Variants in MAGI1 observed in about 807,000 individuals in gnomAD.
The protein encoded by MAGI1 is membrane-associated guanylate kinase, WW and PDZ domain-containing protein 1.
A neutral mutation model predicts 139.9 loss-of-function variants in MAGI1; 58 were observed. The ratio of observed to expected loss-of-function variants is 0.41; its 90% CI spans 0.34 to 0.52. MAGI1 has a LOEUF of 0.52. Among genes scored for constraint, MAGI1 ranks in the 20% least tolerant of loss-of-function variants. The pLI is 0.12. For synonymous variants in MAGI1, 812 were observed against 737.9 expected (o/e 1.10, Z -1.63); for missense variants, 1,874 against 1,901.6 (o/e 0.99, Z 0.27).
At chr3:65,912,213 G>GA (rs1415386839) in intron 1 of MAGI1, among the ~76,000 whole-genome samples, 1 of 120,414 alleles carries the variant, frequency 8.3e-6, no homozygotes, top group African/African-American at 3.3e-5. Flanking sequence ...CAGGTAAATG[G>GA]AAAACAAAGA....
At chr3:65,470,238 A>G in intron 5 of MAGI1, 45 bp downstream of exon 5, 4 of 1,396,560 alleles carry the variant, frequency 2.9e-6, no homozygotes, top group Non-Finnish European at 4.0e-6. Context: ...AAGGAAGGGA[A>G]AAGAAAGAGA....
At chr3:65,716,777 T>C (rs1055912519) in intron 1 of MAGI1, among the ~76,000 whole-genome samples, 7 of 152,190 alleles carry the variant, frequency 4.6e-5, no homozygotes, top group African/African-American at 1.4e-4. Context: ...GGCTTTGTGT[T>C]AGGTGCTAGG....
rs117991822 is a variant in MAGI1 at position 65,407,474 on chromosome 3, G to A, written c.2168-6004C>T. Among the ~76,000 whole-genome samples the A allele has an allele frequency of 2.5e-4, 37 of 149,940 alleles. No homozygotes were observed. The East Asian group carries it at 4.5e-3, about 18-fold the overall frequency. On this transcript the variant is annotated intron_variant, in intron 12 of 22. Coordinates refer to ENST00000402939, the MANE Select transcript of MAGI1 (RefSeq NM_001033057.2). ...AAAAAAAAAAAAAAGGAAACAATCTGAACTTCCAAGAGCGGAGGACTGAGT... is the reference window on the plus strand; with the variant it reads ...AAAAAAAAAAAAAAGGAAACAATCTAAACTTCCAAGAGCGGAGGACTGAGT...
intron 13 of MAGI1, among the ~76,000 whole-genome samples, chr3:65,392,058 T>C (rs1575591994): frequency 6.6e-6 from 1 of 152,342 alleles, no homozygotes; most frequent in Non-Finnish European, 1.5e-5. Context: ...AAACTTTGTA[T>C]ATGAGTTGAC....
intron 1 of MAGI1, among the ~76,000 whole-genome samples, chr3:65,815,719 A>ATAATT (rs2041559300): frequency 6.6e-6 from 1 of 152,142 alleles, no homozygotes; most frequent in Non-Finnish European, 1.5e-5. Flanking sequence ...ATATATTTTT[A>ATAATT]TTAAGGGCTT....
At chr3:65,673,018 A>G (rs538549050) in intron 1 of MAGI1, among the ~76,000 whole-genome samples, 1 of 152,240 alleles carries the variant, frequency 6.6e-6, no homozygotes, top group Admixed American at 6.5e-5. Context: ...GTATTAAAAA[A>G]TATTTGTTCC....
intron 1 of MAGI1, among the ~76,000 whole-genome samples, chr3:66,008,406 C>T (rs966476372): frequency 2.0e-5 from 3 of 152,144 alleles, no homozygotes; most frequent in Admixed American, 6.5e-5. Flanking sequence ...TCATCTCCTC[C>T]TCCATTTAGT....
At chr3:65,852,623 C>A (rs1484452778) in intron 1 of MAGI1, among the ~76,000 whole-genome samples, 4 of 151,712 alleles carry the variant, frequency 2.6e-5, no homozygotes, top group African/African-American at 9.7e-5. Context: ...CCTGCCTCAA[C>A]CTCCCAAGTA....
At chr3:65,573,117 T>C (rs1320478751) in intron 2 of MAGI1, among the ~76,000 whole-genome samples, 1 of 149,558 alleles carries the variant, frequency 6.7e-6, no homozygotes, top group Admixed American at 6.7e-5. Flanking sequence ...TATTCATTCC[T>C]TTCACAAAAC....
At chr3:65,727,536 G>C (rs1365756662) in intron 1 of MAGI1, among the ~76,000 whole-genome samples, 1 of 152,138 alleles carries the variant, frequency 6.6e-6, no homozygotes, top group African/African-American at 2.4e-5. Flanking sequence ...GGCTCTATGG[G>C]AGTTACTCCA....
intron 1 of MAGI1, among the ~76,000 whole-genome samples, chr3:65,813,104 G>A (rs1304350740): frequency 6.6e-6 from 1 of 151,958 alleles, no homozygotes; most frequent in Non-Finnish European, 1.5e-5. Context: ...CAGCATTCAA[G>A]GAAACGAAAC....
Position 65,609,182 on chromosome 3 carries a change from C to T in MAGI1, c.430+12790G>A, listed in dbSNP as rs1008800181. On this transcript the variant is annotated intron_variant, in intron 2 of 22. Coordinates refer to ENST00000402939, the MANE Select transcript of MAGI1 (RefSeq NM_001033057.2). ...GGAAATGGTTATATGGATGAGTGTG[C>T]GTGGTGCATGTGTGTGCGTAAAAAT... 5.3e-5 allele frequency among the ~76,000 whole-genome samples: 8 copies of T among 152,098 alleles called. No individual in the cohort carries two copies. The East Asian group carries it at 7.7e-4, about 15-fold the overall frequency.
At chr3:65,789,696 G>T (rs940258595) in intron 1 of MAGI1, among the ~76,000 whole-genome samples, 1 of 152,198 alleles carries the variant, frequency 6.6e-6, no homozygotes, top group East Asian at 1.9e-4. Flanking sequence ...TGATTTAGCC[G>T]GGATCTCCCT....
At chr3:65,440,381 T>C (rs1237509951) in intron 8 of MAGI1, among the ~76,000 whole-genome samples, 1 of 152,124 alleles carries the variant, frequency 6.6e-6, no homozygotes, top group African/African-American at 2.4e-5. Context: ...AAGCTCAGGG[T>C]TGCCTGCTTT....
chr3:66,018,123 G>GC (rs1553748579), intron 1 of MAGI1, among the ~76,000 whole-genome samples: 2 of 133,832 alleles, frequency 1.5e-5, no homozygotes, highest in Non-Finnish European at 3.2e-5. Context: ...TGGGGGGGGG[G>GC]GGTGTCTGCA....
At chr3:65,555,820 G>A (rs986320374) in intron 2 of MAGI1, among the ~76,000 whole-genome samples, 4 of 152,092 alleles carry the variant, frequency 2.6e-5, no homozygotes, top group African/African-American at 4.8e-5. Flanking sequence ...TCATGCCACT[G>A]CACACCAGCC....
intron 1 of MAGI1, among the ~76,000 whole-genome samples, chr3:65,632,246 C>A (rs752804757): frequency 7.2e-5 from 11 of 152,152 alleles, no homozygotes; most frequent in Non-Finnish European, 1.5e-4. Context: ...CAGCATCACT[C>A]AACTGACAAT....
intron 3 of MAGI1, among the ~76,000 whole-genome samples, chr3:65,489,711 G>C (rs1951869863): frequency 6.6e-6 from 1 of 152,122 alleles, no homozygotes; most frequent in Non-Finnish European, 1.5e-5. Context: ...TATGTTAAGG[G>C]CAAACGGCAA....
intron 1 of MAGI1, among the ~76,000 whole-genome samples, chr3:66,032,754 A>G (rs1485975889): frequency 6.6e-6 from 1 of 151,388 alleles, no homozygotes; most frequent in Non-Finnish European, 1.5e-5. Flanking sequence ...CACCTGTACT[A>G]AAATACAAAA....
Sources: gnomAD v4.1 joint callset for allele counts (sites outside exome capture counted in the v4.1 genomes callset) on GRCh38, gnomAD v4.1.1 for gene constraint, MANE v1.5 for transcripts, NCBI Gene and HGNC (gene_info 2026-07-23, HGNC 2026-07-21) for gene names.